Variants in DCAF4 observed in about 807,000 individuals in gnomAD.
The protein encoded by DCAF4 is DDB1 and CUL4 associated factor 4.
In DCAF4, 37 loss-of-function variants were observed where a neutral mutation model predicts 60.9. That is an observed-to-expected ratio of 0.61 (90% CI 0.47 to 0.80). The LOEUF is 0.80. Ranked by LOEUF, DCAF4 falls within the 30% of genes least tolerant of loss-of-function variation. The pLI is 0.00. For missense variants in DCAF4, 577 were observed against 650.0 expected (o/e 0.89, Z 1.22); for synonymous variants, 243 against 254.8 (o/e 0.95, Z 0.44).
chr14:72,936,619 T>C (rs1010037914), intron 1 of DCAF4, among the ~76,000 whole-genome samples: 1 of 151,370 alleles, frequency 6.6e-6, no homozygotes, highest in Non-Finnish European at 1.5e-5. Flanking sequence ...GATATTGCTT[T>C]CAGAGAAGAG....
Position 72,940,324 on chromosome 14 carries a change from G to A in DCAF4, c.298G>A (p.Glu100Lys), listed in dbSNP as rs149878526. The A allele has an allele frequency of 4.5e-5, 72 of 1,614,128 alleles. No homozygotes were observed. In the African/African-American group the frequency reaches 8.7e-4, roughly 19 times the overall value. The part of the protein sequence containing the change: ...PLTKESIRQK[E>K]MESKRLRLLQ... ...GACGAAAGAGAGCATCCGGCAGAAG[G>A]AGATGGAGAGCAAGAGACTGCGGCT... is the stretch of plus-strand genomic sequence containing the variant. Residue 100 changes from glutamate to lysine, a missense_variant, in exon 4 of 14, where the codon GAG (glutamate) becomes AAG (lysine). Transcript: ENST00000358377.
At chr14:72,929,834 G>T in intron 1 of DCAF4, 1 of 1,377,092 alleles carries the variant, frequency 7.3e-7, no homozygotes, top group Non-Finnish European at 1.0e-6. Context: ...CGTTTGCTCA[G>T]ACGCCCGCGG....
chr14:72,956,560 C>T, intron 13 of DCAF4, 60 bp downstream of exon 13: 1 of 1,501,834 alleles, frequency 6.7e-7, no homozygotes, highest in Non-Finnish European at 9.1e-7. Flanking sequence ...AGGGGCGATC[C>T]CAGCAACTTC....
chr14:72,951,185 T>C (rs1010021130), intron 8 of DCAF4, among the ~76,000 whole-genome samples: 2 of 152,026 alleles, frequency 1.3e-5, no homozygotes, highest in African/African-American at 2.4e-5. Context: ...TTTGCTGTGT[T>C]TCCCAGGCTG....
chr14:72,956,615 G>C (rs999518171), intron 13 of DCAF4, 115 bp downstream of exon 13: 3 of 978,542 alleles, frequency 3.1e-6, no homozygotes, highest in Admixed American at 4.1e-5. Flanking sequence ...TGAATCAAGG[G>C]GAGTGTGGAC....
At chr14:72,930,114 GT>G (rs1383640466) in intron 1 of DCAF4, among the ~76,000 whole-genome samples, 3 of 152,232 alleles carry the variant, frequency 2.0e-5, no homozygotes, top group African/African-American at 4.8e-5. Flanking sequence ...CAAAAGGGGG[GT>G]AGGAGGGAAT....
intron 1 of DCAF4, among the ~76,000 whole-genome samples, chr14:72,936,432 C>T (rs932750066): frequency 7.2e-5 from 11 of 151,982 alleles, no homozygotes; most frequent in Admixed American, 2.0e-4. Flanking sequence ...GGTGTGGTGG[C>T]AGGTGCCTGT....
In DCAF4 at chr14:72,955,550, T is replaced by C; in HGVS notation, c.1033T>C (p.Ser345Pro). The C allele has an allele frequency of 6.2e-7, 1 of 1,614,090 alleles. No individual in the cohort carries two copies. Among genetic ancestry groups the C allele is most frequent in the Middle Eastern group, 1.6e-4 (1 of 6,062 alleles). ...MAPLLFNGCR[S>P]GEIFAIDLRC... Reference sequence around the variant, plus strand: ...TCCTCTGCTGTTTAATGGCTGCCGCTCTGGGGAAATCTTTGCCATTGATCT... The same window carrying C: ...TCCTCTGCTGTTTAATGGCTGCCGCCCTGGGGAAATCTTTGCCATTGATCT... The change falls in exon 12 of 14, where the codon TCT becomes CCT. Residue 345 changes from serine (S) to proline (P), a missense_variant. By Grantham distance (74) the Ser-to-Pro change is moderately conservative (BLOSUM62 -1). Transcript: ENST00000358377.
At chr14:72,929,387 A>C (rs921875727) in intron 1 of DCAF4, among the ~76,000 whole-genome samples, 10 of 152,220 alleles carry the variant, frequency 6.6e-5, no homozygotes, top group African/African-American at 2.2e-4. Flanking sequence ...CGCTGGGCAC[A>C]TACTGGCTCT....
chr14:72,943,954 G>A (rs954721281), intron 6 of DCAF4, among the ~76,000 whole-genome samples: 4 of 152,192 alleles, frequency 2.6e-5, no homozygotes, highest in African/African-American at 4.8e-5. Flanking sequence ...GTTGGGGACC[G>A]GGCCCACATT....
chr14:72,961,501 A>G (rs964199506), downstream of DCAF4, among the ~76,000 whole-genome samples: 15 of 152,260 alleles, frequency 9.9e-5, no homozygotes, highest in African/African-American at 3.6e-4. Flanking sequence ...TTTTTTCCAC[A>G]TGGGTCAGAG....
At chr14:72,946,085 A>G in intron 7 of DCAF4, 58 bp downstream of exon 7, 2 of 1,587,236 alleles carry the variant, frequency 1.3e-6, no homozygotes, top group East Asian at 2.2e-5. Context: ...TAGTTGGCCA[A>G]ATTCAGGGTA....
intron 8 of DCAF4, among the ~76,000 whole-genome samples, chr14:72,949,291 T>A (rs981184062): frequency 2.0e-5 from 3 of 151,772 alleles, no homozygotes; most frequent in South Asian, 4.2e-4. Flanking sequence ...ACAAAAAAAA[T>A]AATAATAAAA....
chr14:72,932,007 G>A (rs181846958), intron 1 of DCAF4, among the ~76,000 whole-genome samples: 1,928 of 139,156 alleles, frequency 0.014, 51 homozygotes, highest in African/African-American at 0.049. Context: ...TTTTTTTTGA[G>A]AGATGGAGTC....
chr14:72,937,941 T>C (rs1889512662), intron 1 of DCAF4, 30 bp from the exon 2 acceptor site: 2 of 1,562,636 alleles, frequency 1.3e-6, no homozygotes, highest in East Asian at 2.3e-5. Flanking sequence ...CACACAGAGA[T>C]GTATGGATTT....
intron 4 of DCAF4, 68 bp from the exon 5 acceptor site, chr14:72,941,677 A>G: frequency 6.8e-7 from 1 of 1,479,970 alleles, no homozygotes; most frequent in Non-Finnish European, 9.4e-7. Flanking sequence ...TGGAACTAAA[A>G]ACATTCTCCA....
chr14:72,950,471 T>C (rs1221614179), intron 8 of DCAF4, among the ~76,000 whole-genome samples: 1 of 152,138 alleles, frequency 6.6e-6, no homozygotes, highest in African/African-American at 2.4e-5. Flanking sequence ...TGAAGACTGA[T>C]GAGAACATTT....
At chr14:72,929,979 T>A (rs2140179526) in intron 1 of DCAF4, 12 of 700,340 alleles carry the variant, frequency 1.7e-5, no homozygotes, top group Middle Eastern at 3.8e-4. Context: ...AAATATTTTT[T>A]AAATTAGCCT....
At chr14:72,961,883 C>T, downstream of DCAF4, 1 of 1,122,042 alleles carries the variant, frequency 8.9e-7, no homozygotes, top group Non-Finnish European at 1.1e-6. Flanking sequence ...CACTACAATG[C>T]TGATGTCAAA....
Sources: gnomAD v4.1 joint callset for allele counts (sites outside exome capture counted in the v4.1 genomes callset) on GRCh38, gnomAD v4.1.1 for gene constraint, MANE v1.5 for transcripts, NCBI Gene and HGNC (gene_info 2026-07-23, HGNC 2026-07-21) for gene names.